Variants in CHRM2 observed in about 807,000 individuals in gnomAD.
The protein encoded by CHRM2 is cholinergic receptor muscarinic 2.
CHRM2 carries 8 observed loss-of-function variants against 25.0 expected under a neutral mutation model. That is an observed-to-expected ratio of 0.32 (90% CI 0.19 to 0.58). The LOEUF (loss-of-function observed/expected upper bound fraction) is 0.58, where lower values mean the gene tolerates loss of function less well. Among genes scored for constraint, CHRM2 ranks in the 20% least tolerant of loss-of-function variants. The pLI is 0.88. For missense variants in CHRM2, 440 were observed against 567.1 expected, an observed-to-expected ratio of 0.78 and a Z score of 2.28; for synonymous variants, 202 against 205.7, an observed-to-expected ratio of 0.98 and a Z score of 0.15.
intron 3 of CHRM2, among the ~76,000 whole-genome samples, chr7:137,010,252 C>T (rs1378518976): frequency 6.6e-6 from 1 of 152,018 alleles, no homozygotes; most frequent in Admixed American, 6.6e-5. Context: ...TTCTGTCTTC[C>T]CTGCCATGTA....
At chr7:136,924,139 G>A (rs1212175690) in intron 2 of CHRM2, among the ~76,000 whole-genome samples, 1 of 151,752 alleles carries the variant, frequency 6.6e-6, no homozygotes, top group Non-Finnish European at 1.5e-5. Context: ...AAATACATAT[G>A]TTTCCTAAGA....
chr7:136,937,982 T>C (rs1799518962), intron 2 of CHRM2, among the ~76,000 whole-genome samples: 1 of 152,154 alleles, frequency 6.6e-6, no homozygotes, highest in Non-Finnish European at 1.5e-5. Context: ...CTGATGGCTT[T>C]GCTGATAGCA....
chr7:136,981,856 T>A (rs1021102920), intron 2 of CHRM2, among the ~76,000 whole-genome samples: 1 of 152,102 alleles, frequency 6.6e-6, no homozygotes, highest in African/African-American at 2.4e-5. Context: ...CTGAGGAGTG[T>A]TTTACTTCCA....
rs1795702879 is a variant in CHRM2 at position 136,868,964 on chromosome 7, T to C, written c.-311T>C. On this transcript the variant is annotated 5_prime_UTR_variant, in exon 1 of 4. Transcript: ENST00000680005. ...GAGGCATCCAGGTCTCCATTCTATT[T>C]TGGTCTCCAGGCTCTTCGTGAAAGC... 1 of 152,366 alleles carries C rather than the reference T, an allele frequency of 6.6e-6. No individual in the cohort carries two copies. 9.4% of individuals were successfully genotyped at this position (152,366 alleles called of 1,614,324 possible).
intron 2 of CHRM2, among the ~76,000 whole-genome samples, chr7:136,872,150 C>A (rs977366738): frequency 1.3e-5 from 2 of 152,186 alleles, no homozygotes; most frequent in African/African-American, 4.8e-5. Context: ...CAGGGCTAGA[C>A]TGTCTGAAAG....
In CHRM2 at chr7:136,971,634, A is replaced by AAC. The variant is rs1554428084; in HGVS notation, c.-124-20552_-124-20551insCA. 2.4e-4 allele frequency among the ~76,000 whole-genome samples: 37 copies of AAC among 151,184 alleles called. 1 individual carries two copies. The highest frequency in any genetic ancestry group is 8.8e-4 in the African/African-American group (36 of 40,750). On this transcript the variant is annotated intron_variant, in intron 2 of 3. Transcript: ENST00000680005. ...TCTGTTTCACAAAAAAAAAAAAAAA[A>AAC]AAAGACTTGCTGGAGGAGTTTAGTG...
intron 2 of CHRM2, among the ~76,000 whole-genome samples, chr7:136,891,308 A>T (rs891646788): frequency 1.3e-5 from 2 of 152,184 alleles, no homozygotes; most frequent in African/African-American, 4.8e-5. Flanking sequence ...AGGCTCCTGG[A>T]TACTGTGACA....
At chr7:136,952,878 T>C (rs1473358209) in intron 2 of CHRM2, among the ~76,000 whole-genome samples, 1 of 152,174 alleles carries the variant, frequency 6.6e-6, no homozygotes, top group Non-Finnish European at 1.5e-5. Context: ...AGTTTCATGT[T>C]GGATTCATGT....
chr7:137,013,653 C>T (rs1425500262), intron 3 of CHRM2, among the ~76,000 whole-genome samples: 3 of 151,948 alleles, frequency 2.0e-5, no homozygotes, highest in African/African-American at 7.2e-5. Context: ...TGAAAGATCA[C>T]TCAATTGTCA....
rs573068028 is a variant in CHRM2 at position 136,917,334 on chromosome 7, G to A, written c.-125+47916G>A. Among the ~76,000 whole-genome samples the A allele has an allele frequency of 1.9e-4, 29 of 151,490 alleles. No homozygotes were observed. The South Asian group carries it at 3.1e-3, about 16-fold the overall frequency. On this transcript the variant is annotated intron_variant, in intron 2 of 3. Coordinates refer to ENST00000680005, the MANE Select transcript of CHRM2 (RefSeq NM_001006630.2). ...CTCAATTTTCTTATCCTTTCCTATC[G>A]TCTGATGTGGGGAAGTGATGTGTGG...
intron 2 of CHRM2, among the ~76,000 whole-genome samples, chr7:136,976,481 A>C (rs1802111925): frequency 6.6e-6 from 1 of 152,188 alleles, no homozygotes; most frequent in Non-Finnish European, 1.5e-5. Context: ...CAGATTTGCA[A>C]ACCAAGAAAT....
intron 2 of CHRM2, among the ~76,000 whole-genome samples, chr7:136,905,066 G>A (rs1429145527): frequency 6.6e-6 from 1 of 151,754 alleles, no homozygotes; most frequent in African/African-American, 2.4e-5. Flanking sequence ...TTATAGTTTG[G>A]GTTGTTCTTT....
chr7:136,896,066 A>G (rs1182263702), intron 2 of CHRM2, among the ~76,000 whole-genome samples: 1 of 152,226 alleles, frequency 6.6e-6, no homozygotes, highest in Non-Finnish European at 1.5e-5. Flanking sequence ...ATAATGCAAA[A>G]AGGAAATGAA....
intron 2 of CHRM2, among the ~76,000 whole-genome samples, chr7:136,921,436 C>A (rs1356434281): frequency 1.3e-5 from 2 of 152,096 alleles, no homozygotes; most frequent in Non-Finnish European, 2.9e-5. Flanking sequence ...AAAAATCATT[C>A]CATTCTCTGA....
At chr7:136,937,756 T>C (rs1257841898) in intron 2 of CHRM2, among the ~76,000 whole-genome samples, 1 of 152,028 alleles carries the variant, frequency 6.6e-6, no homozygotes, top group Non-Finnish European at 1.5e-5. Context: ...TGAGATAGAT[T>C]TGAAAAAAAT....
Position 137,019,992 on chromosome 7 carries a change from G to A in CHRM2, c.*3726G>A, listed in dbSNP as rs1255488636. 6.6e-6 allele frequency: 1 copy of A among 151,762 alleles called. No individual in the cohort carries two copies. Among genetic ancestry groups the A allele is most frequent in the African/African-American group, 2.4e-5 (1 of 41,358 alleles). The allele number at this position is 151,762 out of a possible 1,614,324, so 9.4% of individuals were successfully genotyped here. ...CCCTTTCAACAACCATAGTACCGGT[G>A]TTGCAAATAGTTTAGGAAAGCACCC... On this transcript the variant is annotated 3_prime_UTR_variant, in exon 4 of 4. Transcript: ENST00000680005.
intron 3 of CHRM2, among the ~76,000 whole-genome samples, chr7:137,002,717 A>T (rs1462568088): frequency 2.0e-5 from 3 of 152,220 alleles, no homozygotes; most frequent in Non-Finnish European, 4.4e-5. Context: ...TAAAAGTGAC[A>T]TAGAATAGAC....
At chr7:136,893,228 C>A (rs1426656680) in intron 2 of CHRM2, among the ~76,000 whole-genome samples, 2 of 152,096 alleles carry the variant, frequency 1.3e-5, no homozygotes, top group Non-Finnish European at 2.9e-5. Context: ...GGCCGTGGTA[C>A]CCAAATTTTC....
At chr7:136,878,147 A>T (rs1320310089) in intron 2 of CHRM2, among the ~76,000 whole-genome samples, 1 of 151,954 alleles carries the variant, frequency 6.6e-6, no homozygotes, top group Non-Finnish European at 1.5e-5. Flanking sequence ...GTGATAAGAA[A>T]ATTCTACTTA....
Sources: gnomAD v4.1 joint callset for allele counts (sites outside exome capture counted in the v4.1 genomes callset) on GRCh38, gnomAD v4.1.1 for gene constraint, MANE v1.5 for transcripts, NCBI Gene and HGNC (gene_info 2026-07-23, HGNC 2026-07-21) for gene names.